ENAH: variants seen among roughly 807,000 people sequenced by gnomAD.
ENAH encodes the protein protein enabled homolog.
Under a neutral mutation model 78.7 loss-of-function variants are expected in ENAH, and 23 were observed. The ratio of observed to expected loss-of-function variants is 0.29; its 90% confidence interval spans 0.21 to 0.41. The LOEUF (loss-of-function observed/expected upper bound fraction) is 0.41, where lower values mean the gene tolerates loss of function less well. ENAH is among the 10% of genes least tolerant of loss of function. The pLI, the probability that ENAH is intolerant of heterozygous loss-of-function variation, is 1.00. For missense variants in ENAH, 544 were observed against 691.0 expected (o/e 0.79, Z 2.39); for synonymous variants, 226 against 241.0 (o/e 0.94, Z 0.58).
At chr1:225,603,351 CTAAATTAT>C (rs2148029897) in intron 1 of ENAH, among the ~76,000 whole-genome samples, 1 of 152,180 alleles carries the variant, frequency 6.6e-6, no homozygotes, top group African/African-American at 2.4e-5. Context: ...TTTAAAGCTC[CTAAATTAT>C]TAAAAGAATA....
intron 7 of ENAH, 119 bp downstream of exon 7, chr1:225,514,477 A>C (rs2096401730): frequency 2.2e-5 from 20 of 927,064 alleles, no homozygotes; most frequent in Admixed American, 4.5e-5. Context: ...AAATTATTTC[A>C]ATTTTTTAAA....
chr1:225,628,537 T>G (rs1278643183), intron 1 of ENAH, among the ~76,000 whole-genome samples: 1 of 152,030 alleles, frequency 6.6e-6, no homozygotes, highest in Non-Finnish European at 1.5e-5. Flanking sequence ...ACATATCAAA[T>G]GAACAAGGCA....
chr1:225,653,303 G>A (rs1663409052), upstream of ENAH, among the ~76,000 whole-genome samples: 1 of 151,396 alleles, frequency 6.6e-6, no homozygotes, highest in Admixed American at 6.6e-5. The surrounding 1 kb of genome is among the most constrained non-coding windows in gnomAD (Gnocchi z 4.3). Context: ...GCCGGACTGC[G>A]GAGAGCGAGG....
intron 1 of ENAH, among the ~76,000 whole-genome samples, chr1:225,588,007 C>T (rs918221447): frequency 6.6e-6 from 1 of 152,078 alleles, no homozygotes; most frequent in African/African-American, 2.4e-5. Flanking sequence ...AACCTAAAAG[C>T]TAGACCCATA....
chr1:225,585,945 G>A (rs78800189), intron 1 of ENAH, among the ~76,000 whole-genome samples: 1,997 of 152,280 alleles, frequency 0.013, 41 homozygotes, highest in African/African-American at 0.045. Flanking sequence ...TGGGCATGGC[G>A]GCTCACGCCT....
chr1:225,558,292 T>C (rs772261595), intron 2 of ENAH, among the ~76,000 whole-genome samples: 2 of 152,180 alleles, frequency 1.3e-5, no homozygotes, highest in Non-Finnish European at 2.9e-5. Flanking sequence ...AAAAAGTACG[T>C]AATACTGGTG....
chr1:225,586,461 TAAAG>T (rs1457924994), intron 1 of ENAH, among the ~76,000 whole-genome samples: 1 of 151,696 alleles, frequency 6.6e-6, no homozygotes, highest in African/African-American at 2.4e-5. Context: ...CTCAAAAAAA[TAAAG>T]AAGAAAACAT....
rs187201634 is a variant in ENAH at position 225,514,086 on chromosome 1, T to C, written c.1218+510A>G. ...CTGGTAAAATGTTAATGGGTGAATGTAGGTGATGAATTTATAGAAATTATT... is the reference window on the plus strand; with the variant it reads ...CTGGTAAAATGTTAATGGGTGAATGCAGGTGATGAATTTATAGAAATTATT... On this transcript the variant is annotated intron_variant, in intron 7 of 13. Transcript: ENST00000366843. 4.2e-3 allele frequency among the ~76,000 whole-genome samples: 635 copies of C among 152,336 alleles called. 6 individuals are homozygous for C. Among genetic ancestry groups the C allele is most frequent in the Middle Eastern group, 6.8e-3 (2 of 294 alleles).
chr1:225,521,593 A>G (rs1057396811), intron 4 of ENAH, among the ~76,000 whole-genome samples: 4 of 150,540 alleles, frequency 2.7e-5, no homozygotes, highest in Admixed American at 1.3e-4. Flanking sequence ...GTGAGCTGAG[A>G]CTATGCCCCT....
At chr1:225,562,571 CAAAAAAAAAAAAAAAA>C (rs869309795) in intron 2 of ENAH, among the ~76,000 whole-genome samples, 13 of 38,076 alleles carry the variant, frequency 3.4e-4, no homozygotes, top group Middle Eastern at 0.021. Flanking sequence ...GACTGCGTCT[CAAAAAAAAAAAAAAAA>C]AAAAAAAAAA....
intron 1 of ENAH, among the ~76,000 whole-genome samples, chr1:225,611,466 G>A (rs1240245299): frequency 2.0e-5 from 3 of 152,062 alleles, no homozygotes; most frequent in Non-Finnish European, 2.9e-5. Flanking sequence ...CTACAAGCGT[G>A]CATCACCACG....
chr1:225,544,684 C>T (rs985785905), intron 3 of ENAH, among the ~76,000 whole-genome samples: 1 of 152,132 alleles, frequency 6.6e-6, no homozygotes, highest in East Asian at 1.9e-4. Flanking sequence ...AAAAATGAGG[C>T]TTCATAAGCT....
At chr1:225,547,786 A>G (rs1357638056) in intron 3 of ENAH, among the ~76,000 whole-genome samples, 1 of 152,164 alleles carries the variant, frequency 6.6e-6, no homozygotes, top group Non-Finnish European at 1.5e-5. Flanking sequence ...CTCAGGCCTG[A>G]TATGTCTTTC....
chr1:225,561,176 C>T (rs771007742), intron 2 of ENAH, among the ~76,000 whole-genome samples: 1 of 151,992 alleles, frequency 6.6e-6, no homozygotes, highest in South Asian at 2.1e-4. Flanking sequence ...CAGGCTGCAG[C>T]GAGCAGAGAT....
At chr1:225,624,266 T>G (rs184011179) in intron 1 of ENAH, among the ~76,000 whole-genome samples, 14 of 152,008 alleles carry the variant, frequency 9.2e-5, no homozygotes, top group Admixed American at 8.5e-4. Context: ...AGCAAGACCC[T>G]GTCTTTAGAA....
chr1:225,642,209 GAAAAAA>G (rs1238636547), intron 1 of ENAH, among the ~76,000 whole-genome samples: 3 of 83,320 alleles, frequency 3.6e-5, no homozygotes, highest in African/African-American at 1.3e-4. Context: ...TCCATCTCAG[GAAAAAA>G]AAAAAAAAAA....
At chr1:225,571,090 G>A (rs1300830851) in intron 1 of ENAH, among the ~76,000 whole-genome samples, 1 of 152,020 alleles carries the variant, frequency 6.6e-6, no homozygotes, top group African/African-American at 2.4e-5. Flanking sequence ...TTCAAAAGTT[G>A]CACTTGGGCC....
intron 3 of ENAH, among the ~76,000 whole-genome samples, chr1:225,531,927 A>C (rs1258960726): frequency 6.6e-6 from 1 of 152,050 alleles, no homozygotes; most frequent in African/African-American, 2.4e-5. Flanking sequence ...TCTAAAGACA[A>C]ATTGATGACA....
chr1:225,521,625 AG>A (rs1350514837), intron 4 of ENAH, among the ~76,000 whole-genome samples: 2 of 147,756 alleles, frequency 1.4e-5, no homozygotes, highest in Non-Finnish European at 3.0e-5. Flanking sequence ...TGGGTGACAG[AG>A]TAAGACCCTG....
Sources: allele counts gnomAD v4.1 joint callset (sites outside exome capture counted in the v4.1 genomes callset), GRCh38; gene constraint gnomAD v4.1.1; non-coding constraint Gnocchi (gnomAD v3.1); transcripts MANE v1.5; gene names NCBI Gene and HGNC (gene_info 2026-07-23, HGNC 2026-07-21).